Variants in LYRM4 observed in about 807,000 individuals in gnomAD.
The protein encoded by LYRM4 is LYR motif containing 4, also known as LYR motif-containing protein 4.
Under a neutral mutation model 11.7 loss-of-function variants are expected in LYRM4, and 9 were observed. The ratio of observed to expected loss-of-function variants is 0.77; its 90% CI spans 0.46 to 1.34. The LOEUF is 1.34. Ranked by LOEUF, LYRM4 falls within the 40% of genes most tolerant of loss-of-function variation. The probability of loss-of-function intolerance (pLI) is 0.00; values close to 1 mark genes in which losing one functional copy is unlikely to be tolerated. For synonymous variants in LYRM4, 42 were observed against 40.4 expected (o/e 1.04, Z -0.15); for missense variants, 133 against 112.5 (o/e 1.18, Z -0.82).
At chr6:5,037,629 G>A in the LYRM4 span, among the ~76,000 whole-genome samples, 2,832 of 30,048 alleles carry the variant, frequency 0.094, 13 homozygotes, top group Middle Eastern at 0.32. Flanking sequence ...GCGGCTGGCC[G>A]GGCGGGGGGC....
At chr6:5,184,844 C>T (rs1173709056) in intron 2 of LYRM4, among the ~76,000 whole-genome samples, 2 of 152,192 alleles carry the variant, frequency 1.3e-5, no homozygotes, top group African/African-American at 4.8e-5. Context: ...TTGCAGATAT[C>T]AGCAGAGAAA....
chr6:5,058,889 A>G, the LYRM4 span, among the ~76,000 whole-genome samples: 2 of 152,120 alleles, frequency 1.3e-5, no homozygotes, highest in Non-Finnish European at 2.9e-5. Context: ...TCCCTGATTT[A>G]TCATTAACTG....
chr6:5,066,595 TA>T, the LYRM4 span: 1 of 1,111,722 alleles, frequency 9.0e-7, no homozygotes, highest in Non-Finnish European at 1.4e-6. Context: ...AAATGTGGAA[TA>T]AAAGTTTTGT....
chr6:5,072,747 TTTTG>T, the LYRM4 span, among the ~76,000 whole-genome samples: 8 of 152,046 alleles, frequency 5.3e-5, no homozygotes, highest in South Asian at 2.1e-4. Context: ...AAGACCAGGT[TTTTG>T]TTTGTTTGTT....
At chr6:5,067,210 T>C in the LYRM4 span, among the ~76,000 whole-genome samples, 4 of 152,256 alleles carry the variant, frequency 2.6e-5, no homozygotes, top group East Asian at 7.7e-4. Flanking sequence ...TTTATAGATA[T>C]TTATGTACAC....
At chr6:5,249,573 T>A (rs2127768076) in intron 1 of LYRM4, among the ~76,000 whole-genome samples, 1 of 152,318 alleles carries the variant, frequency 6.6e-6, no homozygotes, top group Non-Finnish European at 1.5e-5. Context: ...AATGAGAACC[T>A]ATGAAACCAC....
intron 1 of LYRM4, among the ~76,000 whole-genome samples, chr6:5,256,383 G>A (rs1037778887): frequency 2.0e-5 from 3 of 150,634 alleles, no homozygotes; most frequent in Non-Finnish European, 3.0e-5. Context: ...CCAGCTACTC[G>A]GGAGGCTGAG....
At chr6:5,113,515 C>T (rs576184487) in intron 2 of LYRM4, 3 of 292,818 alleles carry the variant, frequency 1.0e-5, no homozygotes, top group East Asian at 2.7e-4. Context: ...TGGGTGCTGC[C>T]CTGAAGGGGG....
the LYRM4 span, chr6:5,085,423 G>A: frequency 8.2e-6 from 10 of 1,226,286 alleles, no homozygotes; most frequent in Non-Finnish European, 1.0e-5. Context: ...ACGGCCCGAG[G>A]AGTTAGTTAA....
intron 1 of LYRM4, among the ~76,000 whole-genome samples, chr6:5,258,757 T>C (rs1239974447): frequency 6.6e-6 from 1 of 152,250 alleles, no homozygotes; most frequent in Non-Finnish European, 1.5e-5. Flanking sequence ...AGCTTAAAAG[T>C]ATATGCTTAA....
the LYRM4 span, among the ~76,000 whole-genome samples, chr6:5,072,279 A>C: frequency 2.0e-5 from 3 of 152,288 alleles, no homozygotes; most frequent in Non-Finnish European, 4.4e-5. Context: ...TAGTGTTGCA[A>C]TAAGCATATG....
chr6:5,103,984 T>C (rs1272628860), downstream of LYRM4: 1 of 100,922 alleles, frequency 9.9e-6, no homozygotes, highest in Non-Finnish European at 2.1e-5. Flanking sequence ...ATGAAGTACT[T>C]AGCAAAAAAA....
downstream of LYRM4, among the ~76,000 whole-genome samples, chr6:5,100,874 T>C (rs539375653): frequency 6.6e-6 from 1 of 152,352 alleles, no homozygotes; most frequent in Admixed American, 6.5e-5. Flanking sequence ...ATTCTGTGTC[T>C]CCATTGCTCA....
chr6:5,054,963 TCTTCC>T, the LYRM4 span, among the ~76,000 whole-genome samples: 1 of 152,192 alleles, frequency 6.6e-6, no homozygotes, highest in Non-Finnish European at 1.5e-5. Context: ...TAGAGAATCT[TCTTCC>T]CTTATTAGGC....
the LYRM4 span, among the ~76,000 whole-genome samples, chr6:5,067,541 G>A: frequency 2.6e-5 from 4 of 152,220 alleles, no homozygotes; most frequent in Non-Finnish European, 2.9e-5. Context: ...AGCTGGGGGA[G>A]TGCTCAGTGT....
At chr6:5,086,466 C>G in the LYRM4 span, 2 of 1,537,048 alleles carry the variant, frequency 1.3e-6, no homozygotes, top group Non-Finnish European at 1.7e-6. Context: ...CGGTCCACTT[C>G]GCTGTCTGCT....
chr6:5,188,823 G>A (rs1377427056), intron 2 of LYRM4, among the ~76,000 whole-genome samples: 1 of 152,180 alleles, frequency 6.6e-6, no homozygotes. Context: ...GAGTGCAGTG[G>A]CGCAATCATG....
intron 1 of LYRM4, among the ~76,000 whole-genome samples, chr6:5,245,415 T>G (rs373850153): frequency 5.3e-5 from 8 of 152,044 alleles, no homozygotes; most frequent in African/African-American, 1.9e-4. Flanking sequence ...CTTTGCAGTG[T>G]TCTGTCACTG....
chr6:5,231,681 T>C (rs1763250938), intron 1 of LYRM4, among the ~76,000 whole-genome samples: 1 of 152,186 alleles, frequency 6.6e-6, no homozygotes, highest in Admixed American at 6.5e-5. Flanking sequence ...GAAAATACAC[T>C]TAGCCTCTTT....
Sources: gnomAD v4.1 joint callset for allele counts (sites outside exome capture counted in the v4.1 genomes callset) on GRCh38, gnomAD v4.1.1 for gene constraint, MANE v1.5 for transcripts, NCBI Gene and HGNC (gene_info 2026-07-23, HGNC 2026-07-21) for gene names.